IFNLR1: variants seen among roughly 807,000 people sequenced by gnomAD.
The protein encoded by IFNLR1 is CRF2-12.
Under a neutral mutation model 52.5 loss-of-function variants are expected in IFNLR1, and 28 were observed. The ratio of observed to expected loss-of-function variants is 0.53; its 90% CI spans 0.40 to 0.73. The LOEUF is 0.73. IFNLR1 is among the 30% of genes least tolerant of loss of function. The pLI is 0.00. For missense variants in IFNLR1, 623 were observed against 659.1 expected, an observed-to-expected ratio of 0.95 and a Z score of 0.60; for synonymous variants, 276 against 274.9, an observed-to-expected ratio of 1.00 and a Z score of -0.04.
intron 2 of IFNLR1, among the ~76,000 whole-genome samples, chr1:24,170,718 A>T (rs536778983): frequency 6.6e-6 from 1 of 152,312 alleles, no homozygotes; most frequent in Non-Finnish European, 1.5e-5. Context: ...TAGGGATGTG[A>T]GACAGGATGA....
At chr1:24,170,018 G>A (rs199887101) in intron 2 of IFNLR1, among the ~76,000 whole-genome samples, 1 of 152,220 alleles carries the variant, frequency 6.6e-6, no homozygotes, top group East Asian at 1.9e-4. Flanking sequence ...GGATGTCAGA[G>A]GGGAACATGC....
intron 1 of IFNLR1, 71 bp downstream of exon 1, chr1:24,187,120 G>C: frequency 1.9e-6 from 2 of 1,068,826 alleles, no homozygotes; most frequent in Non-Finnish European, 1.3e-6. Context: ...AGGAGCTCCG[G>C]GTCCGAGGGT....
intron 4 of IFNLR1, 115 bp from the exon 5 acceptor site, chr1:24,159,748 TTG>T: frequency 5.2e-6 from 5 of 953,368 alleles, no homozygotes; most frequent in African/African-American, 1.7e-5. Flanking sequence ...TTTTTTTTTT[TTG>T]TTTTTTTGTA....
At chr1:24,162,875 CT>C (rs1491110820) in intron 3 of IFNLR1, among the ~76,000 whole-genome samples, 1 of 75,640 alleles carries the variant, frequency 1.3e-5, no homozygotes, top group African/African-American at 5.7e-5. Context: ...TTCTTTCTTT[CT>C]TTCCTTCCTT....
chr1:24,178,640 C>T (rs957282639), intron 2 of IFNLR1, among the ~76,000 whole-genome samples: 5 of 152,098 alleles, frequency 3.3e-5, no homozygotes, highest in Non-Finnish European at 5.9e-5. Flanking sequence ...CAGAGTACGT[C>T]GCAATAGACT....
At chr1:24,162,138 T>C (rs893366756) in intron 3 of IFNLR1, among the ~76,000 whole-genome samples, 4 of 152,252 alleles carry the variant, frequency 2.6e-5, no homozygotes, top group African/African-American at 9.6e-5. Context: ...TCCTCCGCTC[T>C]GGGTCTCACA....
chr1:24,159,728 T>TTTGTTTTTTTTGTTTTG (rs112101640), intron 4 of IFNLR1, 95 bp from the exon 5 acceptor site: 4 of 814,330 alleles, frequency 4.9e-6, no homozygotes, highest in Non-Finnish European at 5.0e-6. Context: ...GGTAGGGTGT[T>TTTGTTTTTTTTGTTTTG]TTTTTTTTGT....
intron 6 of IFNLR1, among the ~76,000 whole-genome samples, chr1:24,158,462 C>G (rs968028209): frequency 6.6e-6 from 1 of 152,190 alleles, no homozygotes; most frequent in Non-Finnish European, 1.5e-5. Context: ...GCCACCCTGC[C>G]ACGATGCAGG....
At position 24,162,784 on chromosome 1, in the gene IFNLR1, TTC is replaced by T. The variant is rs1557643969; in HGVS notation, c.368-1102_368-1101del. Among the ~76,000 whole-genome samples, 173 of 80,832 alleles carry T rather than the reference TTC, an allele frequency of 2.1e-3. 11 individuals carry two copies. The highest frequency in any genetic ancestry group is 3.2e-3 in the Non-Finnish European group (121 of 38,190). 53.0% of individuals were successfully genotyped at this position (80,832 alleles called of 152,430 possible). On this transcript the variant is annotated intron_variant, in intron 3 of 6. Transcript: ENST00000327535. Reference sequence around the variant, plus strand: ...TCTTTCTTTCTTTCTTTCTTTTTCTTTCTTTTTCTTTCTTTCTTTTTTCTTTC... The same window carrying T: ...TCTTTCTTTCTTTCTTTCTTTTTCTTTTTTTCTTTCTTTCTTTTTTCTTTC...
intron 3 of IFNLR1, among the ~76,000 whole-genome samples, chr1:24,168,782 C>T (rs928673363): frequency 5.9e-5 from 9 of 151,860 alleles, no homozygotes; most frequent in Middle Eastern, 3.2e-3. Flanking sequence ...GACGCTCTGT[C>T]GCCCAGGCTG....
intron 1 of IFNLR1, among the ~76,000 whole-genome samples, chr1:24,181,986 G>A (rs4649200): frequency 0.28 from 42,639 of 151,958 alleles, 6,747 homozygotes; most frequent in Non-Finnish European, 0.35. Flanking sequence ...ATCACCTGAG[G>A]TCAGGAATTC....
chr1:24,180,694 A>AC, intron 2 of IFNLR1, 37 bp downstream of exon 2: 1 of 624,572 alleles, frequency 1.6e-6, no homozygotes, highest in Non-Finnish European at 2.3e-6. Flanking sequence ...CCACCCCCTC[A>AC]GTCTTCCCAT....
In IFNLR1 at chr1:24,162,872, T is replaced by TCTCCTTCCTTCCTTCC. The variant is rs1644474002; in HGVS notation, c.368-1189_368-1188insGGAAGGAAGGAAGGAG. ...CTTTCTTTCTTTCTTTCTTTCTTTCTTTCTTTCCTTCCTTCCTTCCTTCCT... is the reference window on the plus strand; with the variant it reads ...CTTTCTTTCTTTCTTTCTTTCTTTCTCTCCTTCCTTCCTTCCTTCTTTCCTTCCTTCCTTCCTTCCT... On this transcript the variant is annotated intron_variant, in intron 3 of 6. Transcript: ENST00000327535. Among the ~76,000 whole-genome samples, 5 of 40,138 alleles carry TCTCCTTCCTTCCTTCC rather than the reference T, an allele frequency of 1.2e-4. 1 individual carries two copies. Among genetic ancestry groups the TCTCCTTCCTTCCTTCC allele is most frequent in the Admixed American group, 2.9e-4 (1 of 3,498 alleles). 26.3% of individuals were successfully genotyped at this position (40,138 alleles called of 152,430 possible). A position where few individuals can be genotyped will look rare whatever the true frequency, so the allele number is the denominator to read the frequency against.
At chr1:24,178,544 C>A (rs1644657686) in intron 2 of IFNLR1, among the ~76,000 whole-genome samples, 1 of 152,000 alleles carries the variant, frequency 6.6e-6, no homozygotes, top group Admixed American at 6.6e-5. Context: ...TTTAACTTGA[C>A]CACTAGGGTC....
intron 4 of IFNLR1, 123 bp from the exon 5 acceptor site, chr1:24,159,756 T>TTTTTTTGTTTTTG: frequency 1.2e-6 from 1 of 838,478 alleles, no homozygotes; most frequent in Non-Finnish European, 1.8e-6. Flanking sequence ...TTTTGTTTTT[T>TTTTTTTGTTTTTG]TGTAGGGGAT....
At chr1:24,164,162 A>G (rs1005586652) in intron 3 of IFNLR1, among the ~76,000 whole-genome samples, 1 of 152,238 alleles carries the variant, frequency 6.6e-6, no homozygotes, top group Non-Finnish European at 1.5e-5. Flanking sequence ...AGGGACAATC[A>G]GGTCATGGTC....
intron 1 of IFNLR1, among the ~76,000 whole-genome samples, chr1:24,182,247 C>G (rs913197923): frequency 4.0e-5 from 6 of 151,428 alleles, no homozygotes; most frequent in Non-Finnish European, 8.8e-5. Context: ...CTGTAAGTAC[C>G]CACGCCCAGT....
intron 2 of IFNLR1, among the ~76,000 whole-genome samples, chr1:24,176,934 A>C (rs901659572): frequency 6.6e-6 from 1 of 152,214 alleles, no homozygotes; most frequent in Non-Finnish European, 1.5e-5. Flanking sequence ...ACACAGAAAA[A>C]GAAGATCCAA....
chr1:24,165,181 A>G (rs951141520), intron 3 of IFNLR1, among the ~76,000 whole-genome samples: 14 of 152,182 alleles, frequency 9.2e-5, no homozygotes, highest in African/African-American at 3.1e-4. Flanking sequence ...GCATTTTACT[A>G]TAAGAGGCAG....
Sources: allele counts gnomAD v4.1 joint callset (sites outside exome capture counted in the v4.1 genomes callset), GRCh38; gene constraint gnomAD v4.1.1; transcripts MANE v1.5; gene names NCBI Gene and HGNC (gene_info 2026-07-23, HGNC 2026-07-21).